The following TATDN3 variants were observed in gnomAD, a reference collection of about 807,000 sequenced individuals.
The protein encoded by TATDN3 is deoxyribonuclease TATDN3.
A neutral mutation model predicts 40.1 loss-of-function variants in TATDN3; 29 were observed. The observed-to-expected ratio is 0.72, with a 90% CI of 0.54 to 0.99. TATDN3 has a LOEUF of 0.99. Ranked by LOEUF, TATDN3 falls within the 50% of genes least tolerant of loss-of-function variation. The pLI, the probability that TATDN3 is intolerant of heterozygous loss-of-function variation, is 0.00. For synonymous variants in TATDN3, 105 were observed against 117.0 expected (o/e 0.90, Z 0.66); for missense variants, 309 against 321.9 (o/e 0.96, Z 0.31).
intron 7 of TATDN3, among the ~76,000 whole-genome samples, chr1:212,806,801 T>C (rs11801231): frequency 0.23 from 21,952 of 97,418 alleles, 5,915 homozygotes; most frequent in East Asian, 0.34. Context: ...CACACACACA[T>C]ATATACACAT....
intron 7 of TATDN3, among the ~76,000 whole-genome samples, chr1:212,805,346 C>T (rs1273057881): frequency 1.3e-5 from 2 of 152,190 alleles, no homozygotes; most frequent in Admixed American, 6.6e-5. Flanking sequence ...ACCTCCACCT[C>T]CTGGGTTCAA....
rs139282058 is a variant in TATDN3, at chr1:212,793,779, A to G, written c.67-1316A>G. Among the ~76,000 whole-genome samples the G allele has an allele frequency of 6.7e-3, 1,015 of 152,298 alleles. 7 individuals carry two copies. Among genetic ancestry groups the G allele is most frequent in the Non-Finnish European group, 0.012 (814 of 68,012 alleles). The stretch of plus-strand genomic sequence containing the variant: ...ATGACTCAGATTATTAGCTTGTGCT[A>G]TAGGGAAGATGGTGGTGCTGGTTTA... On this transcript the variant is annotated intron_variant, in intron 1 of 9. Coordinates refer to ENST00000366974, the MANE Select transcript of TATDN3 (RefSeq NM_001042552.3).
At chr1:212,796,713 C>G (rs1661789394) in intron 3 of TATDN3, 123 bp downstream of exon 3, 1 of 640,378 alleles carries the variant, frequency 1.6e-6, no homozygotes. Flanking sequence ...TAACATAGCC[C>G]TAAAGAGATT....
intron 1 of TATDN3, chr1:212,794,623 AATG>A: frequency 5.3e-6 from 2 of 374,142 alleles, no homozygotes; most frequent in East Asian, 7.2e-5. Flanking sequence ...GCCTCAGCAT[AATG>A]ATGATAAAAC....
At chr1:212,801,209 C>T (rs1268599445) in intron 4 of TATDN3, among the ~76,000 whole-genome samples, 1 of 151,164 alleles carries the variant, frequency 6.6e-6, no homozygotes, top group Non-Finnish European at 1.5e-5. Flanking sequence ...AAAACAAAAA[C>T]ACAAAAGTAT....
At chr1:212,801,251 A>C (rs1426864131) in intron 4 of TATDN3, among the ~76,000 whole-genome samples, 2 of 149,596 alleles carry the variant, frequency 1.3e-5, no homozygotes, top group African/African-American at 4.9e-5. Context: ...GGAACTTGAG[A>C]CCTTATGAAG....
At chr1:212,812,782 C>T (rs1237266952) in intron 9 of TATDN3, among the ~76,000 whole-genome samples, 1 of 152,206 alleles carries the variant, frequency 6.6e-6, no homozygotes, top group Non-Finnish European at 1.5e-5. Flanking sequence ...GCGGGCAGAT[C>T]ACCTGAGGTC....
Position 212,804,311 on chromosome 1 carries a change from C to A in TATDN3, c.322-9C>A. 1 of 1,601,618 alleles carries A rather than the reference C, an allele frequency of 6.2e-7. No individual in the cohort carries two copies. The highest frequency in any genetic ancestry group is 1.1e-5 in the South Asian group (1 of 90,154). On this transcript the variant is annotated splice_polypyrimidine_tract_variant and intron_variant, in intron 5 of 9. Coordinates refer to ENST00000366974, the MANE Select transcript of TATDN3 (RefSeq NM_001042552.3). ...TAAATATGTAATATCTTTTATTTTT[C>A]TGCTCTAGGTTGGACTAGATTTCTC...
chr1:212,814,036 T>A (rs1663058627), intron 9 of TATDN3, among the ~76,000 whole-genome samples: 1 of 151,982 alleles, frequency 6.6e-6, no homozygotes, highest in African/African-American at 2.4e-5. Flanking sequence ...CCCAGGCTGG[T>A]CTCAAACTCC....
Position 212,791,981 on chromosome 1 carries a change from T to C in TATDN3, c.60T>C (p.Phe20=), listed in dbSNP as rs1489451433. ...DCHCHLSAPD[F]DRDLDDVLEK... is the part of the protein sequence containing the mutation. ...ACTGCCACCTCTCCGCCCCGGACTT[T>C]GACCGCGTATGTGAGGGCGATACGG... Residue 20 remains phenylalanine, a synonymous_variant, in exon 1 of 10, where the codon TTT becomes TTC. Transcript: ENST00000366974. 1.9e-5 allele frequency: 30 copies of C among 1,613,952 alleles called. No homozygotes were observed. Among genetic ancestry groups the C allele is most frequent in the Non-Finnish European group, 2.3e-5 (27 of 1,179,998 alleles).
intron 3 of TATDN3, 101 bp downstream of exon 3, chr1:212,796,691 GA>G: frequency 2.4e-6 from 2 of 847,916 alleles, no homozygotes; most frequent in Non-Finnish European, 3.5e-6. Context: ...GAATAAAGAG[GA>G]AAAAGCATTT....
chr1:212,812,214 GT>G, intron 8 of TATDN3, 33 bp from the exon 9 acceptor site: 1 of 1,388,424 alleles, frequency 7.2e-7, no homozygotes, highest in African/African-American at 1.5e-5. Context: ...TATTTCTCAT[GT>G]TTTAAACTTA....
chr1:212,801,385 A>T (rs1662171043), intron 4 of TATDN3, among the ~76,000 whole-genome samples: 1 of 152,214 alleles, frequency 6.6e-6, no homozygotes, highest in South Asian at 2.1e-4. Context: ...TTAAATAAGT[A>T]ATATGAATTA....
intron 4 of TATDN3, 124 bp from the exon 5 acceptor site, chr1:212,802,577 G>T: frequency 1.5e-6 from 1 of 660,248 alleles, no homozygotes; most frequent in South Asian, 1.9e-5. Context: ...GTAGTTTTTT[G>T]ACTGCTTAAA....
At chr1:212,797,278 T>G in intron 4 of TATDN3, 82 bp downstream of exon 4, 1 of 1,009,542 alleles carries the variant, frequency 9.9e-7, no homozygotes, top group Non-Finnish European at 1.5e-6. Flanking sequence ...TCTTTCTAAT[T>G]TATATTCTCA....
At chr1:212,792,632 C>CAAAAAAAAA (rs752952752) in intron 1 of TATDN3, among the ~76,000 whole-genome samples, 10 of 75,100 alleles carry the variant, frequency 1.3e-4, no homozygotes, top group African/African-American at 2.0e-4. Context: ...GACCCTGTCT[C>CAAAAAAAAA]AAAAAAAAAA....
chr1:212,806,523 A>G (rs1322296225), intron 7 of TATDN3, among the ~76,000 whole-genome samples: 1 of 150,152 alleles, frequency 6.7e-6, no homozygotes, highest in Non-Finnish European at 1.5e-5. Flanking sequence ...GGCACACACC[A>G]CCACACCCTG....
intron 4 of TATDN3, among the ~76,000 whole-genome samples, chr1:212,800,770 C>T (rs1194228660): frequency 6.6e-6 from 1 of 151,984 alleles, no homozygotes; most frequent in Non-Finnish European, 1.5e-5. Flanking sequence ...ACCTGGCCTA[C>T]TGACTTCTGT....
chr1:212,811,610 G>A (rs1032152880), intron 8 of TATDN3, among the ~76,000 whole-genome samples: 6 of 151,558 alleles, frequency 4.0e-5, no homozygotes, highest in East Asian at 2.0e-4. Flanking sequence ...GCGGAGTCTC[G>A]CTCTGTTGCC....
Sources: allele counts gnomAD v4.1 joint callset (sites outside exome capture counted in the v4.1 genomes callset), GRCh38; gene constraint gnomAD v4.1.1; transcripts MANE v1.5; gene names NCBI Gene and HGNC (gene_info 2026-07-23, HGNC 2026-07-21).